SYNC: variants seen among roughly 807,000 people sequenced by gnomAD.
The protein encoded by SYNC is syncoilin, intermediate filament protein, also known as syncoilin.
In SYNC, 38 loss-of-function variants were observed where a neutral mutation model predicts 49.5. The ratio of observed to expected loss-of-function variants is 0.77; its 90% CI spans 0.59 to 1.01. The LOEUF (loss-of-function observed/expected upper bound fraction) is 1.01. Ranked by LOEUF, SYNC falls within the 50% of genes least tolerant of loss-of-function variation. SYNC has a pLI of 0.00. For synonymous variants in SYNC, 201 were observed against 230.8 expected, an observed-to-expected ratio of 0.87 and a Z score of 1.17; for missense variants, 579 against 580.6, an observed-to-expected ratio of 1.00 and a Z score of 0.03.
chr1:32,695,274 TC>T lies in SYNC; in HGVS notation c.823del (p.Glu275LysfsTer3), dbSNP rs1411976516. The T allele has an allele frequency of 1.3e-6, 2 of 1,551,606 alleles. No individual in the cohort carries two copies. Among genetic ancestry groups the T allele is most frequent in the Non-Finnish European group, 8.7e-7 (1 of 1,147,066 alleles). ...QDVAQFADFR[E>X]VLTTRATQLS... ...CTGGGTTGCCCTTGTAGTCAGCACT[TC>T]CCGGAAATCGGCAAACTGAGCCACG... On this transcript the variant is annotated frameshift_variant, in exon 2 of 5. Coordinates refer to ENST00000409190, the MANE Select transcript of SYNC (RefSeq NM_030786.3). LOFTEE classifies it high-confidence loss of function.
intron 4 of SYNC, 22 bp from the exon 5 acceptor site, chr1:32,681,882 T>C (rs745828731): frequency 3.7e-6 from 6 of 1,608,366 alleles, no homozygotes; most frequent in Non-Finnish European, 5.1e-6. Flanking sequence ...AAAGAAAAAG[T>C]TTATAACAGT....
At position 32,694,906 on chromosome 1, in the gene SYNC, G is replaced by A. The variant is rs150991294; in HGVS notation, c.1192C>T (p.Leu398Phe). Reference sequence around the variant, plus strand: ...TCTTCATCTCGTTTTTGCCTCACAAGTGCGATCTGGTCCTCCAGGTTCCTG... The same window carrying A: ...TCTTCATCTCGTTTTTGCCTCACAAATGCGATCTGGTCCTCCAGGTTCCTG... ...QNRNLEDQIA[L>F]VRQKRDEEVQ... Residue 398 changes from leucine (L) to phenylalanine (F), a missense_variant, in exon 2 of 5, where the codon CTT becomes TTT. Transcript: ENST00000409190. 2.0e-5 allele frequency: 33 copies of A among 1,611,938 alleles called. No individual in the cohort carries two copies. Among genetic ancestry groups the A allele is most frequent in the Non-Finnish European group, 2.7e-5 (32 of 1,179,414 alleles).
chr1:32,695,385 T>C lies in SYNC; in HGVS notation c.713A>G (p.Glu238Gly). ...AAGCTTCTGCTTGACCAGCCGGATCTCCTCCCTTAGGCCATCTCTCTCCAG... is the reference window on the plus strand; with the variant it reads ...AAGCTTCTGCTTGACCAGCCGGATCCCCTCCCTTAGGCCATCTCTCTCCAG... Reference protein sequence around the residue: ...AELERDGLREEIRLVKQKLFK... With the variant: ...AELERDGLREGIRLVKQKLFK... Residue 238 changes from glutamate to glycine, a missense_variant, in exon 2 of 5, where the codon GAG (glutamate) becomes GGG (glycine). Transcript: ENST00000409190. 6.4e-7 allele frequency: 1 copy of C among 1,551,606 alleles called. No individual in the cohort carries two copies. The highest frequency in any genetic ancestry group is 1.2e-5 in the South Asian group (1 of 84,020).
At position 32,680,148 on chromosome 1, in the gene SYNC, T is replaced by A; in HGVS notation, c.*1702A>T. ...TAGGGGGAGATTCAAGTCATATAGATTCCTACTCGAAAATCTTGACACCTG... is the reference window on the plus strand; with the variant it reads ...TAGGGGGAGATTCAAGTCATATAGAATCCTACTCGAAAATCTTGACACCTG... On this transcript the variant is annotated 3_prime_UTR_variant, in exon 5 of 5. Transcript: ENST00000409190. 9.3e-7 allele frequency: 1 copy of A among 1,076,994 alleles called. No individual in the cohort carries two copies. Among genetic ancestry groups the A allele is most frequent in the Non-Finnish European group, 1.1e-6 (1 of 891,328 alleles). 66.7% of individuals were successfully genotyped at this position (1,076,994 alleles called of 1,614,324 possible).
intron 2 of SYNC, chr1:32,684,739 TTTG>T (rs1450855314): frequency 4.0e-5 from 7 of 175,796 alleles, no homozygotes; most frequent in African/African-American, 1.7e-4. Flanking sequence ...CATGTGCAGG[TTTG>T]TTAAGATAAT....
At chr1:32,697,379 A>G (rs1266429944) in intron 1 of SYNC, among the ~76,000 whole-genome samples, 1 of 151,680 alleles carries the variant, frequency 6.6e-6, no homozygotes, top group East Asian at 2.0e-4. Context: ...CAGAGGTTGC[A>G]GTGAGACGAG....
intron 1 of SYNC, among the ~76,000 whole-genome samples, chr1:32,696,709 A>G (rs867120098): frequency 5.3e-5 from 8 of 151,940 alleles, no homozygotes; most frequent in Middle Eastern, 3.2e-3. Context: ...CGGCCTCCCA[A>G]AGTGCTGGGA....
At position 32,695,945 on chromosome 1, in the gene SYNC, C is replaced by A. The variant is rs1413929973; in HGVS notation, c.153G>T (p.Gly51=). 1.3e-6 allele frequency: 2 copies of A among 1,549,612 alleles called. No individual in the cohort carries two copies. The highest frequency in any genetic ancestry group is 1.7e-6 in the Non-Finnish European group (2 of 1,147,008). ...LNPEVTLSSE[G]SLNLEDILYL... ...AGAGAATGTCTTCGAGGTTTAAGGA[C>A]CCCTCTGAAGATAGAGTAACTTCTG... Residue 51 remains glycine, a synonymous_variant, in exon 2 of 5, where the codon GGG becomes GGT. Coordinates refer to ENST00000409190, the MANE Select transcript of SYNC (RefSeq NM_030786.3).
chr1:32,686,869 C>G (rs914140072), intron 2 of SYNC, among the ~76,000 whole-genome samples: 7 of 152,170 alleles, frequency 4.6e-5, no homozygotes, highest in African/African-American at 1.7e-4. Flanking sequence ...CTCAAGGTAA[C>G]AGGCTTTTTA....
At chr1:32,685,537 A>G (rs1469910302) in intron 2 of SYNC, 1 of 152,220 alleles carries the variant, frequency 6.6e-6, no homozygotes, top group Non-Finnish European at 1.5e-5. Context: ...TTGTCCTCTG[A>G]GTCATACTTG....
At position 32,684,372 on chromosome 1, in the gene SYNC, T is replaced by G; in HGVS notation, c.1244A>C (p.Glu415Ala). The change falls in exon 3 of 5, where the codon GAG (glutamate) becomes GCG (alanine). Residue 415 changes from glutamate to alanine, a missense_variant. Coordinates refer to ENST00000409190, the MANE Select transcript of SYNC (RefSeq NM_030786.3). Reference sequence around the variant, plus strand: ...CTGCCTCTGGCGTTCTTCCATTTCCTCCAGCTGTTCCTGCATGAGATGGCC... The same window carrying G: ...CTGCCTCTGGCGTTCTTCCATTTCCGCCAGCTGTTCCTGCATGAGATGGCC... The part of the protein sequence containing the change: ...EEVQQYREQL[E>A]EMEERQRQLR... The G allele has an allele frequency of 6.2e-7, 1 of 1,614,154 alleles. No homozygotes were observed. The highest frequency in any genetic ancestry group is 8.5e-7 in the Non-Finnish European group (1 of 1,180,034).
chr1:32,683,974 CA>C, intron 4 of SYNC, 35 bp downstream of exon 4: 1 of 1,596,366 alleles, frequency 6.3e-7, no homozygotes, highest in South Asian at 1.1e-5. Flanking sequence ...AAAGCAGTAA[CA>C]ATGCAAACAC....
At chr1:32,691,191 C>A (rs956003992) in intron 2 of SYNC, among the ~76,000 whole-genome samples, 6 of 145,116 alleles carry the variant, frequency 4.1e-5, no homozygotes, top group African/African-American at 1.3e-4. Context: ...GCACTCCAGC[C>A]TGGGTGACAG....
chr1:32,702,466 A>T lies in SYNC; in HGVS notation c.53+142T>A. 1 of 766,512 alleles carries T rather than the reference A, an allele frequency of 1.3e-6. No individual in the cohort carries two copies. The highest frequency in any genetic ancestry group is 1.7e-6 in the Non-Finnish European group (1 of 585,762). 47.5% of individuals were successfully genotyped at this position (766,512 alleles called of 1,614,324 possible). On this transcript the variant is annotated intron_variant, in intron 1 of 4. Coordinates refer to ENST00000409190, the MANE Select transcript of SYNC (RefSeq NM_030786.3). The surrounding 1 kb of genome is among the most constrained non-coding windows in gnomAD (Gnocchi z 6.2). ...CGGCCCGACTCCCCGATGTCCCCTCACGAGGCGGCTCCAGTGCCCCACCCC... is the reference window on the plus strand; with the variant it reads ...CGGCCCGACTCCCCGATGTCCCCTCTCGAGGCGGCTCCAGTGCCCCACCCC...
rs540637212 is a variant in SYNC, at chr1:32,682,884, G to A, written c.1439-1024C>T. 3.9e-5 allele frequency: 6 copies of A among 152,148 alleles called. No homozygotes were observed. In the South Asian group the frequency reaches 1.2e-3, roughly 32 times the overall value. The allele number at this position is 152,148 out of a possible 1,614,324, so 9.4% of individuals were successfully genotyped here. ...TTCTTTTATCCTTAGTTTCTTTCAC[G>A]GACTCTAGAACTTTTATCAGAATAT... On this transcript the variant is annotated intron_variant, in intron 4 of 4. Transcript: ENST00000409190.
At chr1:32,685,327 T>A (rs1031227329) in intron 2 of SYNC, 1 of 152,096 alleles carries the variant, frequency 6.6e-6, no homozygotes, top group African/African-American at 2.4e-5. Flanking sequence ...AGGAATAAGG[T>A]AAGGAAGATG....
intron 1 of SYNC, among the ~76,000 whole-genome samples, chr1:32,701,434 T>G (rs1650664791): frequency 6.6e-6 from 1 of 152,118 alleles, no homozygotes; most frequent in Admixed American, 6.6e-5. Flanking sequence ...CTCATTCTGC[T>G]CTATATCCTA....
intron 2 of SYNC, among the ~76,000 whole-genome samples, chr1:32,690,504 G>T (rs1165395327): frequency 6.6e-6 from 1 of 151,738 alleles, no homozygotes; most frequent in African/African-American, 2.4e-5. Context: ...AATTAGCGAG[G>T]CCTGGTGGCG....
intron 2 of SYNC, among the ~76,000 whole-genome samples, chr1:32,689,961 A>T (rs1036923034): frequency 1.3e-4 from 19 of 149,638 alleles, no homozygotes; most frequent in African/African-American, 4.2e-4. Context: ...AAAAAAAGTA[A>T]GTTGATGAAA....
Sources: allele counts gnomAD v4.1 joint callset (sites outside exome capture counted in the v4.1 genomes callset), GRCh38; gene constraint gnomAD v4.1.1; non-coding constraint Gnocchi (gnomAD v3.1); transcripts MANE v1.5; gene names NCBI Gene and HGNC (gene_info 2026-07-23, HGNC 2026-07-21).